LRP5: variants seen among roughly 807,000 people sequenced by gnomAD.
LRP5 encodes the protein low-density lipoprotein receptor-related protein 5.
In LRP5, 62 loss-of-function variants were observed where a neutral mutation model predicts 154.1. The ratio of observed to expected loss-of-function variants is 0.40; its 90% confidence interval spans 0.33 to 0.50. LRP5 has a LOEUF of 0.50. Ranked by LOEUF, LRP5 falls within the 20% of genes least tolerant of loss-of-function variation. The probability of loss-of-function intolerance (pLI) is 0.55; values close to 1 mark genes in which losing one functional copy is unlikely to be tolerated. For synonymous variants in LRP5, 966 were observed against 1,011.5 expected (o/e 0.96, Z 0.85); for missense variants, 1,915 against 2,336.7 (o/e 0.82, Z 3.72).
intron 1 of LRP5, among the ~76,000 whole-genome samples, chr11:68,318,341 G>A (rs866251771): frequency 6.7e-5 from 10 of 149,988 alleles, no homozygotes; most frequent in South Asian, 2.1e-4. Context: ...CACCACACCC[G>A]GCCTGCTTTT....
intron 9 of LRP5, 78 bp downstream of exon 9, chr11:68,406,891 A>G (rs2153164758): frequency 1.4e-6 from 2 of 1,438,430 alleles, no homozygotes; most frequent in East Asian, 4.8e-5. Context: ...AAGGCTTCAG[A>G]CACTTTTCTT....
intron 18 of LRP5, among the ~76,000 whole-genome samples, chr11:68,435,810 C>T (rs970981216): frequency 6.6e-6 from 1 of 152,188 alleles, no homozygotes; most frequent in Non-Finnish European, 1.5e-5. Context: ...ACTGCAACCT[C>T]CACCTCCCAG....
In LRP5 at chr11:68,446,587, T is replaced by C. The variant is rs2098681559; in HGVS notation, c.4586+54T>C. The C allele has an allele frequency of 1.5e-5, 21 of 1,446,776 alleles. No individual in the cohort carries two copies. In the South Asian group the frequency reaches 2.2e-4, roughly 15 times the overall value. The allele number at this position is 1,446,776 out of a possible 1,614,324, so 89.6% of individuals were successfully genotyped here. A position where few individuals can be genotyped will look rare whatever the true frequency, so the allele number is the denominator to read the frequency against. ...CCATTGGGTTCCCGCCAGCCCGTGG[T>C]GGAGGGGCCTAATCCCCATGCCACT... On this transcript the variant is annotated intron_variant, in intron 22 of 22. Transcript: ENST00000294304.
chr11:68,363,667 A>AG, intron 3 of LRP5, 80 bp from the exon 4 acceptor site: 1 of 1,236,408 alleles, frequency 8.1e-7, no homozygotes, highest in Non-Finnish European at 1.2e-6. Context: ...AAAAAAAAAA[A>AG]AAGAAATTAA....
At chr11:68,402,673 A>C (rs1354351588) in intron 7 of LRP5, among the ~76,000 whole-genome samples, 1 of 152,036 alleles carries the variant, frequency 6.6e-6, no homozygotes, top group East Asian at 1.9e-4. Flanking sequence ...CAGGTCCTGC[A>C]GTTGCTCTGT....
chr11:68,417,588 G>T (rs1161140770), intron 13 of LRP5, among the ~76,000 whole-genome samples: 1 of 149,036 alleles, frequency 6.7e-6, no homozygotes, highest in Non-Finnish European at 1.5e-5. Flanking sequence ...AGCCTCCTGA[G>T]TAACTGGGAT....
intron 7 of LRP5, among the ~76,000 whole-genome samples, chr11:68,391,349 GGT>G (rs1255385779): frequency 6.6e-6 from 1 of 152,212 alleles, no homozygotes; most frequent in Admixed American, 6.5e-5. Flanking sequence ...CACCCATTGA[GGT>G]GACATTGGTG....
At position 68,386,212 on chromosome 11, in the gene LRP5, C is replaced by T; in HGVS notation, c.1016-104C>T. On this transcript the variant is annotated intron_variant, in intron 5 of 22. Coordinates refer to ENST00000294304, the MANE Select transcript of LRP5 (RefSeq NM_002335.4). This position sits in a 1 kb window ranked among gnomAD's most constrained non-coding sequence, Gnocchi z 7.9. ...ATCACCAGCCTTTGCAAGGAGAGCC[C>T]TGGGGGCCTGGCTGAGTATTTCCCT... 1 of 1,442,746 alleles carries T rather than the reference C, an allele frequency of 6.9e-7. No homozygotes were observed. Among genetic ancestry groups the T allele is most frequent in the Non-Finnish European group, 9.6e-7 (1 of 1,041,560 alleles). The allele number at this position is 1,442,746 out of a possible 1,614,324, so 89.4% of individuals were successfully genotyped here.
chr11:68,411,601 C>T lies in LRP5; in HGVS notation c.2484C>T (p.Ile828=), dbSNP rs577932894. 8 of 1,612,216 alleles carry T rather than the reference C, an allele frequency of 5.0e-6. No homozygotes were observed. Among genetic ancestry groups the T allele is most frequent in the South Asian group, 3.3e-5 (3 of 91,050 alleles). ...LYWTDLDTNM[I]ESSNMLGQER... ...GGACCGACCTGGACACCAACATGAT[C>T]GAGTCGTCCAACATGCTGGGTGAGG... Residue 828 remains isoleucine (I), a synonymous_variant, in exon 11 of 23, where the codon ATC becomes ATT. Transcript: ENST00000294304.
upstream of LRP5, among the ~76,000 whole-genome samples, chr11:68,308,256 G>A (rs1006176793): frequency 6.6e-6 from 1 of 151,714 alleles, no homozygotes; most frequent in African/African-American, 2.4e-5. Context: ...CTGCCGGGTT[G>A]GGGGGGGCTC....
At chr11:68,350,626 C>T (rs1305326594) in intron 2 of LRP5, among the ~76,000 whole-genome samples, 1 of 152,234 alleles carries the variant, frequency 6.6e-6, no homozygotes, top group East Asian at 1.9e-4. Flanking sequence ...CTGCAGATGC[C>T]CCTCCTCTGG....
intron 22 of LRP5, among the ~76,000 whole-genome samples, 192 bp downstream of exon 22, chr11:68,446,725 C>T (rs993159855): frequency 6.6e-6 from 1 of 152,218 alleles, no homozygotes; most frequent in African/African-American, 2.4e-5. Flanking sequence ...GCGGGCACTG[C>T]ATGTTGGGTT....
At chr11:68,350,655 G>A (rs965228582) in intron 2 of LRP5, among the ~76,000 whole-genome samples, 7 of 152,264 alleles carry the variant, frequency 4.6e-5, no homozygotes, top group African/African-American at 7.2e-5. Flanking sequence ...AGGGTAGTGG[G>A]AATGAGGGTG....
At chr11:68,431,231 C>CTTTTTTTTTTTTTTTT (rs34840282) in intron 17 of LRP5, among the ~76,000 whole-genome samples, 1 of 92,966 alleles carries the variant, frequency 1.1e-5, no homozygotes, top group Admixed American at 1.4e-4. Context: ...GCTGTGCACC[C>CTTTTTTTTTTTTTTTT]TTTTTTTTTT....
At chr11:68,364,911 T>C (rs1411151720) in intron 4 of LRP5, among the ~76,000 whole-genome samples, 2 of 126,518 alleles carry the variant, frequency 1.6e-5, no homozygotes, top group Admixed American at 8.0e-5. Flanking sequence ...TATATCCGTA[T>C]TTTGGGGCTG....
chr11:68,343,541 G>A (rs1245269780), intron 1 of LRP5, among the ~76,000 whole-genome samples: 6 of 152,144 alleles, frequency 3.9e-5, no homozygotes, highest in Admixed American at 2.0e-4. Flanking sequence ...GGCACAGTTG[G>A]CCTCATTCAC....
chr11:68,364,824 G>T (rs554678559), intron 4 of LRP5, among the ~76,000 whole-genome samples: 19 of 152,066 alleles, frequency 1.2e-4, no homozygotes, highest in African/African-American at 4.3e-4. Flanking sequence ...TGAGAAAGTC[G>T]TGGTCACAAA....
chr11:68,417,833 G>A lies in LRP5; in HGVS notation c.3027+1306G>A, dbSNP rs183889151. Among the ~76,000 whole-genome samples, 447 of 151,904 alleles carry A rather than the reference G, an allele frequency of 2.9e-3. 7 individuals are homozygous for A. Among genetic ancestry groups the A allele is most frequent in the African/African-American group, 9.5e-3 (395 of 41,458 alleles). On this transcript the variant is annotated intron_variant, in intron 13 of 22. Coordinates refer to ENST00000294304, the MANE Select transcript of LRP5 (RefSeq NM_002335.4). ...GCCTGTAATCCCAGCTACTCAGGAG[G>A]CTGAGGCAGGAGAATTGCTTGAACC...
intron 18 of LRP5, among the ~76,000 whole-genome samples, 179 bp downstream of exon 18, chr11:68,434,017 C>T (rs1478132383): frequency 1.1e-4 from 16 of 152,214 alleles, no homozygotes; most frequent in Admixed American, 1.0e-3. Context: ...CCCATCCTGT[C>T]CCACCAGGTA....
Sources: allele counts gnomAD v4.1 joint callset (sites outside exome capture counted in the v4.1 genomes callset), GRCh38; gene constraint gnomAD v4.1.1; non-coding constraint Gnocchi (gnomAD v3.1); transcripts MANE v1.5; gene names NCBI Gene and HGNC (gene_info 2026-07-23, HGNC 2026-07-21).